The following DRG1 variants were observed in gnomAD, a reference collection of about 807,000 sequenced individuals.
The protein encoded by DRG1 is developmentally regulated GTP binding protein 1.
A neutral mutation model predicts 38.8 loss-of-function variants in DRG1; 19 were observed. The ratio of observed to expected loss-of-function variants is 0.49; its 90% CI spans 0.34 to 0.72. The LOEUF is 0.72. Ranked by LOEUF, DRG1 falls within the 30% of genes least tolerant of loss-of-function variation. The pLI, the probability that DRG1 is intolerant of heterozygous loss-of-function variation, is 0.01. For synonymous variants in DRG1, 167 were observed against 157.5 expected (o/e 1.06, Z -0.45); for missense variants, 299 against 444.8 (o/e 0.67, Z 2.95).
chr22:31,419,030 G>C (rs559906026), intron 4 of DRG1, among the ~76,000 whole-genome samples: 1 of 152,114 alleles, frequency 6.6e-6, no homozygotes, highest in Admixed American at 6.6e-5. Context: ...GACCAGGCTG[G>C]TCTCAAGCTC....
intron 8 of DRG1, among the ~76,000 whole-genome samples, chr22:31,432,649 A>C (rs1382751512): frequency 6.6e-6 from 1 of 151,926 alleles, no homozygotes; most frequent in Non-Finnish European, 1.5e-5. Flanking sequence ...GATGGTCTCG[A>C]TCTCTTGACC....
At chr22:31,428,194 G>A (rs1601535379) in intron 8 of DRG1, among the ~76,000 whole-genome samples, 1 of 151,526 alleles carries the variant, frequency 6.6e-6, no homozygotes, top group Non-Finnish European at 1.5e-5. Context: ...CAATAGCAAA[G>A]TTGCAAATAC....
intron 8 of DRG1, among the ~76,000 whole-genome samples, chr22:31,428,632 AT>A (rs2050123774): frequency 6.6e-6 from 1 of 152,280 alleles, no homozygotes; most frequent in African/African-American, 2.4e-5. Context: ...CTTATTTGAA[AT>A]TTATTACTTT....
At chr22:31,426,126 T>G (rs948433602) in intron 6 of DRG1, among the ~76,000 whole-genome samples, 1 of 152,184 alleles carries the variant, frequency 6.6e-6, no homozygotes, top group Non-Finnish European at 1.5e-5. Context: ...GACTCAGAGG[T>G]TAAGTGACTT....
chr22:31,400,862 T>C (rs1341956515), intron 2 of DRG1, 119 bp downstream of exon 2: 5 of 1,205,786 alleles, frequency 4.1e-6, no homozygotes, highest in Non-Finnish European at 5.6e-6. Context: ...CCTGCAATCC[T>C]AGCATGCTGG....
At chr22:31,421,978 G>A (rs758675351) in intron 5 of DRG1, among the ~76,000 whole-genome samples, 1 of 151,988 alleles carries the variant, frequency 6.6e-6, no homozygotes, top group Non-Finnish European at 1.5e-5. Context: ...AGCCGGGCAT[G>A]GTGGCACGCA....
At chr22:31,408,043 T>G (rs903502939) in intron 3 of DRG1, among the ~76,000 whole-genome samples, 1 of 148,724 alleles carries the variant, frequency 6.7e-6, no homozygotes, top group Non-Finnish European at 1.5e-5. Context: ...GGAGAATTAC[T>G]TGAACCTGAG....
intron 4 of DRG1, 66 bp from the exon 5 acceptor site, chr22:31,420,190 T>G: frequency 6.4e-7 from 1 of 1,555,994 alleles, no homozygotes; most frequent in Non-Finnish European, 8.7e-7. Context: ...ACACCTCTAC[T>G]TGAGTATTTG....
chr22:31,424,811 CT>C (rs11421035), intron 6 of DRG1, among the ~76,000 whole-genome samples: 7 of 36,662 alleles, frequency 1.9e-4, no homozygotes, highest in Admixed American at 9.1e-4. Context: ...CCCCCCCCCC[CT>C]TTTTTTTTTT....
At chr22:31,432,169 T>G (rs185206669) in intron 8 of DRG1, among the ~76,000 whole-genome samples, 207 of 151,168 alleles carry the variant, frequency 1.4e-3, no homozygotes, top group African/African-American at 4.5e-3. Context: ...CTTGAACTCC[T>G]GGGCTCAAGC....
At chr22:31,408,732 G>A (rs1371522146) in intron 3 of DRG1, among the ~76,000 whole-genome samples, 1 of 124,038 alleles carries the variant, frequency 8.1e-6, no homozygotes, top group African/African-American at 3.1e-5. Flanking sequence ...CAGCCTGGGC[G>A]ATAGAGCGAG....
At chr22:31,423,615 C>T (rs537418410) in intron 6 of DRG1, among the ~76,000 whole-genome samples, 1 of 149,960 alleles carries the variant, frequency 6.7e-6, no homozygotes, top group East Asian at 2.0e-4. Flanking sequence ...CAAGCTCCAC[C>T]TCCCAGGTTC....
At chr22:31,424,852 G>C (rs2050101191) in intron 6 of DRG1, among the ~76,000 whole-genome samples, 1 of 129,494 alleles carries the variant, frequency 7.7e-6, no homozygotes, top group African/African-American at 3.1e-5. Context: ...CCCCAGGCTG[G>C]AGTGCAGTGG....
At chr22:31,412,633 A>G (rs2050024244) in intron 4 of DRG1, among the ~76,000 whole-genome samples, 1 of 151,246 alleles carries the variant, frequency 6.6e-6, no homozygotes, top group South Asian at 2.1e-4. Flanking sequence ...GCAGGTGTGA[A>G]CCACCGTGCC....
intron 4 of DRG1, among the ~76,000 whole-genome samples, chr22:31,411,843 G>T (rs1253859330): frequency 6.6e-6 from 1 of 151,830 alleles, no homozygotes; most frequent in Non-Finnish European, 1.5e-5. Flanking sequence ...CATTAATTTG[G>T]CTATTTATAG....
intron 3 of DRG1, among the ~76,000 whole-genome samples, chr22:31,404,351 C>T (rs1412861555): frequency 3.3e-5 from 5 of 149,686 alleles, no homozygotes; most frequent in Admixed American, 6.7e-5. Flanking sequence ...GTGATTCTCC[C>T]GCTTCAGCCT....
chr22:31,402,530 A>G (rs920759080), intron 2 of DRG1, among the ~76,000 whole-genome samples: 3 of 115,066 alleles, frequency 2.6e-5, no homozygotes, highest in African/African-American at 9.8e-5. Flanking sequence ...TTTTTTCGAG[A>G]CAGGGTCTTG....
At chr22:31,416,943 T>G (rs1199993533) in intron 4 of DRG1, among the ~76,000 whole-genome samples, 1 of 149,990 alleles carries the variant, frequency 6.7e-6, no homozygotes, top group African/African-American at 2.5e-5. Flanking sequence ...TATGCTTCTG[T>G]AGTCCCAGCT....
intron 4 of DRG1, among the ~76,000 whole-genome samples, chr22:31,416,937 C>T (rs2050047645): frequency 6.7e-6 from 1 of 149,968 alleles, no homozygotes; most frequent in Admixed American, 6.7e-5. Context: ...TGGTGGTATG[C>T]TTCTGTAGTC....
Sources: gnomAD v4.1 joint callset for allele counts (sites outside exome capture counted in the v4.1 genomes callset) on GRCh38, gnomAD v4.1.1 for gene constraint, MANE v1.5 for transcripts, NCBI Gene and HGNC (gene_info 2026-07-23, HGNC 2026-07-21) for gene names.